The following RANBP2 variants were observed in gnomAD, a reference collection of about 807,000 sequenced individuals.
RANBP2 encodes E3 SUMO-protein ligase RanBP2.
In RANBP2, 57 loss-of-function variants were observed where a neutral mutation model predicts 303.6. The observed-to-expected ratio is 0.19, with a 90% CI of 0.15 to 0.23. RANBP2 has a LOEUF of 0.23. Ranked by LOEUF, RANBP2 falls within the 10% of genes least tolerant of loss-of-function variation. RANBP2 has a pLI of 1.00. For missense variants in RANBP2, 3,138 were observed against 3,780.8 expected (o/e 0.83, Z 4.46); for synonymous variants, 1,167 against 1,301.5 (o/e 0.90, Z 2.23).
chr2:109,655,731 A>G, the RANBP2 span, among the ~76,000 whole-genome samples: 366 of 152,322 alleles, frequency 2.4e-3, 1 homozygote, highest in Non-Finnish European at 4.2e-3. Flanking sequence ...TCTCTTCCTT[A>G]AAGCCGAAAG....
chr2:109,744,163 G>T, the RANBP2 span, among the ~76,000 whole-genome samples: 7 of 95,600 alleles, frequency 7.3e-5, 3 homozygotes, highest in Non-Finnish European at 1.9e-4. Flanking sequence ...GGGTTGAATG[G>T]TAGTTCTAAG....
At chr2:109,008,678 G>A in the RANBP2 span, among the ~76,000 whole-genome samples, 3 of 151,378 alleles carry the variant, frequency 2.0e-5, no homozygotes, top group African/African-American at 4.9e-5. Context: ...CGAGATGGGC[G>A]GATCACGAGG....
chr2:109,371,470 T>A, the RANBP2 span: 1 of 765,734 alleles, frequency 1.3e-6, no homozygotes, highest in Non-Finnish European at 2.2e-6. Flanking sequence ...GCACTCTTCT[T>A]GAACTCATTC....
chr2:109,102,124 A>T, the RANBP2 span, among the ~76,000 whole-genome samples: 2 of 151,932 alleles, frequency 1.3e-5, no homozygotes, highest in African/African-American at 4.8e-5. Context: ...TTTTTGAGAC[A>T]GAGTCTCGCT....
At position 108,755,106 on chromosome 2, in the gene RANBP2, C is replaced by T. The variant is rs765695150; in HGVS notation, c.2382+22C>T. On this transcript the variant is annotated intron_variant, in intron 16 of 28. Coordinates refer to ENST00000283195, the MANE Select transcript of RANBP2 (RefSeq NM_006267.5). Reference sequence around the variant, plus strand: ...CAAGGTAAACAGGAAAGAATGGAATCATTTCATTGTGAAATTGTTTCTGTT... The same window carrying T: ...CAAGGTAAACAGGAAAGAATGGAATTATTTCATTGTGAAATTGTTTCTGTT... 3 of 1,611,920 alleles carry T rather than the reference C, an allele frequency of 1.9e-6. No homozygotes were observed. The South Asian group carries it at 3.3e-5, about 18-fold the overall frequency.
the RANBP2 span, among the ~76,000 whole-genome samples, chr2:109,046,120 G>C: frequency 4.0e-5 from 6 of 151,340 alleles, no homozygotes; most frequent in Admixed American, 2.0e-4. Context: ...CTGGCTAACA[G>C]GGTGAAACCC....
At chr2:109,479,114 C>T in the RANBP2 span, among the ~76,000 whole-genome samples, 4 of 152,172 alleles carry the variant, frequency 2.6e-5, no homozygotes, top group East Asian at 3.8e-4. Flanking sequence ...CACTTCTCAA[C>T]GTGGACAGCA....
At chr2:108,748,331 C>G (rs1279059788) in intron 8 of RANBP2, among the ~76,000 whole-genome samples, 1 of 151,742 alleles carries the variant, frequency 6.6e-6, no homozygotes, top group African/African-American at 2.4e-5. Context: ...CCTCAGCCTC[C>G]CCAGTAGCTG....
chr2:109,478,705 G>A, the RANBP2 span, among the ~76,000 whole-genome samples: 1 of 152,154 alleles, frequency 6.6e-6, no homozygotes, highest in Non-Finnish European at 1.5e-5. Context: ...GAGAGAGGGG[G>A]AGAGTCTGAG....
At chr2:109,360,335 G>A in the RANBP2 span, among the ~76,000 whole-genome samples, 1 of 152,218 alleles carries the variant, frequency 6.6e-6, no homozygotes, top group Non-Finnish European at 1.5e-5. Context: ...AGAGTCAGAA[G>A]TGAGGCTGAT....
At chr2:109,331,421 G>C in the RANBP2 span, among the ~76,000 whole-genome samples, 2 of 151,928 alleles carry the variant, frequency 1.3e-5, no homozygotes, top group Non-Finnish European at 2.9e-5. Flanking sequence ...TGAGAACTGG[G>C]GCCTTAACCA....
the RANBP2 span, among the ~76,000 whole-genome samples, chr2:109,152,597 A>T: frequency 1.3e-5 from 2 of 152,262 alleles, no homozygotes; most frequent in Non-Finnish European, 2.9e-5. Context: ...GTGTATTATC[A>T]GATTTATATT....
the RANBP2 span, among the ~76,000 whole-genome samples, chr2:109,256,386 C>T: frequency 2.6e-5 from 4 of 152,288 alleles, no homozygotes; most frequent in South Asian, 2.1e-4. Context: ...GGGATATGAG[C>T]GGCAATGCGA....
chr2:109,027,941 G>T, the RANBP2 span, among the ~76,000 whole-genome samples: 1 of 152,226 alleles, frequency 6.6e-6, no homozygotes, highest in Non-Finnish European at 1.5e-5. Context: ...GTCCTGCTGA[G>T]GCAGGGAAGA....
the RANBP2 span, among the ~76,000 whole-genome samples, chr2:109,019,172 C>T: frequency 2.0e-5 from 3 of 152,338 alleles, no homozygotes; most frequent in East Asian, 3.9e-4. Context: ...ACTGCACAAC[C>T]GACCCGTGCC....
chr2:109,129,475 G>C, the RANBP2 span: 1,751 of 1,494,512 alleles, frequency 1.2e-3, 24 homozygotes, highest in African/African-American at 0.023. Context: ...CTGGCTGCCG[G>C]TGGCGGGCTC....
chr2:109,490,734 G>A, the RANBP2 span: 1 of 1,536,220 alleles, frequency 6.5e-7, no homozygotes, highest in Non-Finnish European at 8.7e-7. Flanking sequence ...CCAAGGTGCA[G>A]TGGGCCCCGA....
At chr2:109,731,121 C>T in the RANBP2 span, among the ~76,000 whole-genome samples, 7 of 152,046 alleles carry the variant, frequency 4.6e-5, no homozygotes, top group Non-Finnish European at 8.8e-5. Context: ...GTAATCCTTA[C>T]CACTTTATTA....
chr2:108,863,518 T>G, the RANBP2 span, among the ~76,000 whole-genome samples: 6 of 152,214 alleles, frequency 3.9e-5, no homozygotes, highest in Non-Finnish European at 7.4e-5. Context: ...GGGGTGCTCA[T>G]TGGGAAGAGC....
Sources: gnomAD v4.1 joint callset for allele counts (sites outside exome capture counted in the v4.1 genomes callset) on GRCh38, gnomAD v4.1.1 for gene constraint, MANE v1.5 for transcripts, NCBI Gene and HGNC (gene_info 2026-07-23, HGNC 2026-07-21) for gene names.